The following PDLIM5 variants were observed in gnomAD, a reference collection of about 807,000 sequenced individuals.
PDLIM5 encodes PDZ and LIM domain 5, also known as PDZ and LIM domain protein 5.
In PDLIM5, 34 loss-of-function variants were observed where a neutral mutation model predicts 64.2. The observed-to-expected ratio is 0.53, with a 90% CI of 0.40 to 0.71. The LOEUF (loss-of-function observed/expected upper bound fraction) is 0.71, where lower values mean the gene tolerates loss of function less well. Among genes scored for constraint, PDLIM5 ranks in the 30% least tolerant of loss-of-function variants. The pLI is 0.00. For synonymous variants in PDLIM5, 253 were observed against 269.1 expected, an observed-to-expected ratio of 0.94 and a Z score of 0.59; for missense variants, 683 against 733.6, an observed-to-expected ratio of 0.93 and a Z score of 0.80.
intron 2 of PDLIM5, among the ~76,000 whole-genome samples, chr4:94,506,958 C>T (rs1032209400): frequency 2.0e-5 from 3 of 152,184 alleles, no homozygotes; most frequent in African/African-American, 7.2e-5. Context: ...ACGCTGGATG[C>T]TTCCTTCTGT....
Position 94,665,313 on chromosome 4 carries a change from C to A in PDLIM5, c.*1246C>A, listed in dbSNP as rs759404875. On this transcript the variant is annotated 3_prime_UTR_variant, in exon 13 of 13. Coordinates refer to ENST00000317968, the MANE Select transcript of PDLIM5 (RefSeq NM_006457.5). ...CCTGGCCAACATGGTGAAACCCTGT[C>A]TCTACTAAAAATACAAAAATGAGCT... is the stretch of plus-strand genomic sequence containing the variant. The A allele has an allele frequency of 7.3e-5, 18 of 245,942 alleles. No homozygotes were observed. The highest frequency in any genetic ancestry group is 1.1e-4 in the Non-Finnish European group (17 of 153,762). The allele number at this position is 245,942 out of a possible 1,614,324, so 15.2% of individuals were successfully genotyped here. A position where few individuals can be genotyped will look rare whatever the true frequency, so the allele number is the denominator to read the frequency against.
chr4:94,633,709 C>A (rs1411378438), intron 8 of PDLIM5, among the ~76,000 whole-genome samples: 2 of 151,958 alleles, frequency 1.3e-5, no homozygotes, highest in Non-Finnish European at 2.9e-5. Context: ...TAGATGGTGA[C>A]CCTGACCTCA....
At chr4:94,559,877 T>C (rs190342403) in intron 3 of PDLIM5, among the ~76,000 whole-genome samples, 86 of 152,352 alleles carry the variant, frequency 5.6e-4, no homozygotes, top group African/African-American at 2.0e-3. Context: ...GTTTTTGGCA[T>C]TGGCTATTTG....
intron 2 of PDLIM5, among the ~76,000 whole-genome samples, chr4:94,508,413 G>C (rs1728579907): frequency 6.6e-5 from 10 of 152,194 alleles, no homozygotes; most frequent in Admixed American, 6.5e-4. Context: ...GAGCTGGAAG[G>C]AAAAGGCTCC....
intron 2 of PDLIM5, among the ~76,000 whole-genome samples, chr4:94,478,922 C>T (rs1390707968): frequency 2.1e-5 from 2 of 93,298 alleles, no homozygotes; most frequent in Admixed American, 1.4e-4. Flanking sequence ...TTTTTTAAGA[C>T]AGGGTCTTGC....
intron 2 of PDLIM5, among the ~76,000 whole-genome samples, chr4:94,459,033 A>G (rs1317235439): frequency 6.6e-6 from 1 of 152,298 alleles, no homozygotes; most frequent in Non-Finnish European, 1.5e-5. Context: ...ATTGCCCTGA[A>G]GCCATGGAAT....
chr4:94,644,173 T>C (rs1294839050), intron 9 of PDLIM5, among the ~76,000 whole-genome samples: 2 of 152,240 alleles, frequency 1.3e-5, no homozygotes, highest in African/African-American at 2.4e-5. Flanking sequence ...CCAAGAATTT[T>C]GCCTGAATTT....
At chr4:94,474,015 G>T (rs1725106629) in intron 2 of PDLIM5, among the ~76,000 whole-genome samples, 1 of 152,134 alleles carries the variant, frequency 6.6e-6, no homozygotes, top group Admixed American at 6.5e-5. Flanking sequence ...TTTACACCAA[G>T]ATTTCAGCTT....
chr4:94,493,221 G>A (rs1727029075), intron 2 of PDLIM5, among the ~76,000 whole-genome samples: 1 of 152,062 alleles, frequency 6.6e-6, no homozygotes, highest in African/African-American at 2.4e-5. Context: ...CTATTATAGA[G>A]TAGTAAGTTT....
intron 7 of PDLIM5, among the ~76,000 whole-genome samples, chr4:94,606,061 C>G (rs1170800981): frequency 2.0e-5 from 3 of 152,076 alleles, no homozygotes; most frequent in Non-Finnish European, 4.4e-5. Context: ...AATTGTGACA[C>G]AGTCTCTAGA....
At chr4:94,609,474 A>G (rs142789867) in intron 7 of PDLIM5, among the ~76,000 whole-genome samples, 1 of 152,324 alleles carries the variant, frequency 6.6e-6, no homozygotes, top group Non-Finnish European at 1.5e-5. Flanking sequence ...CTATACCTGC[A>G]TTTAAAAATG....
At position 94,659,628 on chromosome 4, in the gene PDLIM5, T is replaced by C. The variant is rs557706302; in HGVS notation, c.1585+2081T>C. On this transcript the variant is annotated intron_variant, in intron 11 of 12. Coordinates refer to ENST00000317968, the MANE Select transcript of PDLIM5 (RefSeq NM_006457.5). Reference sequence around the variant, plus strand: ...CTGCAAGCTCTGCCTCCCGGGTTCATGCCATTCTCCTGCCTCAGCCTCCTG... The same window carrying C: ...CTGCAAGCTCTGCCTCCCGGGTTCACGCCATTCTCCTGCCTCAGCCTCCTG... Among the ~76,000 whole-genome samples, 45 of 149,492 alleles carry C rather than the reference T, an allele frequency of 3.0e-4. No individual in the cohort carries two copies. The South Asian group carries it at 4.6e-3, about 15-fold the overall frequency.
chr4:94,511,438 C>T (rs975058290), intron 2 of PDLIM5, among the ~76,000 whole-genome samples: 1 of 152,056 alleles, frequency 6.6e-6, no homozygotes, highest in Non-Finnish European at 1.5e-5. Flanking sequence ...GTCTCCATCC[C>T]CTGAAGCATT....
In PDLIM5 at chr4:94,483,704, T is replaced by C. The variant is rs1206877534; in HGVS notation, c.96+28320T>C. ...ACATCGTGTTTTACAGATTTGTCAT[T>C]TGTTTATTCCGTTCGTGATTATTTC... On this transcript the variant is annotated intron_variant, in intron 2 of 12. Transcript: ENST00000317968. 5.9e-5 allele frequency among the ~76,000 whole-genome samples: 9 copies of C among 152,154 alleles called. No individual in the cohort carries two copies. In the East Asian group the frequency reaches 1.5e-3, roughly 26 times the overall value.
chr4:94,456,579 T>TG (rs1481139313), intron 2 of PDLIM5: 1 of 716,702 alleles, frequency 1.4e-6, no homozygotes, highest in South Asian at 1.5e-5. Context: ...GGTATGTGTG[T>TG]TTTTTTAAAA....
At chr4:94,464,493 T>C (rs373718432) in intron 2 of PDLIM5, among the ~76,000 whole-genome samples, 1 of 152,304 alleles carries the variant, frequency 6.6e-6, no homozygotes, top group African/African-American at 2.4e-5. Context: ...GAGCAGACTA[T>C]GTTCTGAAAG....
intron 8 of PDLIM5, among the ~76,000 whole-genome samples, chr4:94,638,358 T>C (rs1740738188): frequency 6.6e-6 from 1 of 152,170 alleles, no homozygotes; most frequent in African/African-American, 2.4e-5. Flanking sequence ...CCTAGTCCAG[T>C]TGACTCACTT....
intron 3 of PDLIM5, among the ~76,000 whole-genome samples, chr4:94,533,238 T>G (rs922464743): frequency 1.3e-5 from 2 of 152,132 alleles, no homozygotes; most frequent in African/African-American, 4.8e-5. Context: ...TAAATATGGG[T>G]TGGTTAGGAT....
chr4:94,660,622 G>A (rs1050144289), intron 11 of PDLIM5, among the ~76,000 whole-genome samples: 8 of 152,084 alleles, frequency 5.3e-5, no homozygotes, highest in African/African-American at 1.7e-4. Context: ...AACCTCAACT[G>A]TCTTCTTCAC....
Sources: allele counts gnomAD v4.1 joint callset (sites outside exome capture counted in the v4.1 genomes callset), GRCh38; gene constraint gnomAD v4.1.1; transcripts MANE v1.5; gene names NCBI Gene and HGNC (gene_info 2026-07-23, HGNC 2026-07-21).